The following LRMDA variants were observed in gnomAD, a reference collection of about 807,000 sequenced individuals.
LRMDA encodes the protein leucine rich melanocyte differentiation associated.
LRMDA carries 18 observed loss-of-function variants against 29.8 expected under a neutral mutation model. The ratio of observed to expected loss-of-function variants is 0.60; its 90% CI spans 0.42 to 0.90. The LOEUF (loss-of-function observed/expected upper bound fraction) is 0.90. Ranked by LOEUF, LRMDA falls within the 40% of genes least tolerant of loss-of-function variation. The probability of loss-of-function intolerance (pLI) is 0.00; values close to 1 mark genes in which losing one functional copy is unlikely to be tolerated. For synonymous variants in LRMDA, 125 were observed against 109.4 expected, an observed-to-expected ratio of 1.14 and a Z score of -0.89; for missense variants, 273 against 273.9, an observed-to-expected ratio of 1.00 and a Z score of 0.02.
intron 2 of LRMDA, among the ~76,000 whole-genome samples, chr10:75,779,803 G>A (rs1055964262): frequency 6.6e-6 from 1 of 151,946 alleles, no homozygotes; most frequent in Admixed American, 6.6e-5. Context: ...GCATGGGAGG[G>A]GGAGTGAATT....
chr10:76,144,534 A>G lies in LRMDA; in HGVS notation c.516+85751A>G, dbSNP rs575696055. 5.1e-4 allele frequency among the ~76,000 whole-genome samples: 78 copies of G among 152,312 alleles called. 1 individual carries two copies. In the South Asian group the frequency reaches 0.016, roughly 31 times the overall value. ...ATAAGAATGCTTGTGATTTTTGTAC[A>G]TTGATTTTGTATCCTGAGACTTTGC... On this transcript the variant is annotated intron_variant, in intron 5 of 6. Transcript: ENST00000611255.
At chr10:75,932,898 A>G (rs1017506248) in intron 2 of LRMDA, among the ~76,000 whole-genome samples, 1 of 152,226 alleles carries the variant, frequency 6.6e-6, no homozygotes, top group Non-Finnish European at 1.5e-5. Flanking sequence ...GCTACTTGAC[A>G]TAATCAACCA....
rs961773051 is a variant in LRMDA, at chr10:76,313,895, T to C, written c.517-10506T>C. 5.9e-5 allele frequency among the ~76,000 whole-genome samples: 9 copies of C among 152,228 alleles called. No homozygotes were observed. In the East Asian group the frequency reaches 1.5e-3, roughly 26 times the overall value. On this transcript the variant is annotated intron_variant, in intron 5 of 6. Coordinates refer to ENST00000611255, the MANE Select transcript of LRMDA (RefSeq NM_001305581.2). ...GGTTGCAACTGATGAACAACTGTAG[T>C]TCCCACTTGATATTCCTTTATCTTA...
intron 2 of LRMDA, among the ~76,000 whole-genome samples, chr10:75,595,715 T>A (rs1840778398): frequency 6.6e-6 from 1 of 151,704 alleles, no homozygotes; most frequent in East Asian, 1.9e-4. Context: ...AATTAATATA[T>A]ATATTTTTAA....
intron 6 of LRMDA, among the ~76,000 whole-genome samples, chr10:76,436,621 A>G (rs1842247216): frequency 6.6e-6 from 1 of 152,216 alleles, no homozygotes; most frequent in African/African-American, 2.4e-5. Flanking sequence ...TGCGGAGAGC[A>G]TCGGTGCTCA....
At chr10:76,504,627 T>G (rs1181719726) in intron 6 of LRMDA, among the ~76,000 whole-genome samples, 3 of 152,072 alleles carry the variant, frequency 2.0e-5, no homozygotes, top group Non-Finnish European at 4.4e-5. Flanking sequence ...ATAAGAATAG[T>G]GAGTAGTGCT....
intron 2 of LRMDA, among the ~76,000 whole-genome samples, chr10:75,467,681 G>T (rs984900075): frequency 6.6e-6 from 1 of 152,084 alleles, no homozygotes; most frequent in African/African-American, 2.4e-5. Context: ...TCGCAAAGTT[G>T]GGCAGGCACA....
chr10:75,580,536 T>A (rs1194222616), intron 2 of LRMDA, among the ~76,000 whole-genome samples: 2 of 152,174 alleles, frequency 1.3e-5, no homozygotes, highest in Non-Finnish European at 2.9e-5. Context: ...CAAGCCACCA[T>A]TAACTTTCTT....
At chr10:76,118,907 T>C (rs73285209) in intron 5 of LRMDA, among the ~76,000 whole-genome samples, 3,634 of 140,918 alleles carry the variant, frequency 0.026, 155 homozygotes, top group African/African-American at 0.089. Context: ...TTGAGGCGAA[T>C]GAAGGTCTCC....
At chr10:76,302,758 A>G (rs370108115) in intron 5 of LRMDA, among the ~76,000 whole-genome samples, 1 of 152,200 alleles carries the variant, frequency 6.6e-6, no homozygotes, top group African/African-American at 2.4e-5. Context: ...ATCCACAAAA[A>G]TGAGATATGG....
At chr10:76,186,803 T>C (rs1380849713) in intron 5 of LRMDA, among the ~76,000 whole-genome samples, 1 of 152,226 alleles carries the variant, frequency 6.6e-6, no homozygotes, top group African/African-American at 2.4e-5. Flanking sequence ...TAGCTGCTAG[T>C]TGAGGATGCT....
intron 2 of LRMDA, among the ~76,000 whole-genome samples, chr10:75,717,365 C>T (rs755564077): frequency 7.2e-5 from 11 of 152,192 alleles, no homozygotes; most frequent in East Asian, 1.9e-4. Context: ...AAAAACAGGG[C>T]GATGGGATGG....
chr10:76,158,942 A>G (rs1327610624), intron 5 of LRMDA, among the ~76,000 whole-genome samples: 1 of 152,200 alleles, frequency 6.6e-6, no homozygotes, highest in East Asian at 1.9e-4. Context: ...AGATAGATAA[A>G]ATGCATTCTA....
intron 2 of LRMDA, among the ~76,000 whole-genome samples, chr10:75,630,380 C>T (rs1841308038): frequency 6.6e-6 from 1 of 152,288 alleles, no homozygotes; most frequent in Admixed American, 6.5e-5. Context: ...TTTTTGCGGG[C>T]AATGCAAATA....
chr10:76,037,874 G>A (rs1848278981), intron 3 of LRMDA, among the ~76,000 whole-genome samples: 1 of 152,172 alleles, frequency 6.6e-6, no homozygotes, highest in South Asian at 2.1e-4. Flanking sequence ...TATGCTCCTT[G>A]TGGTCATTAT....
rs1183552858 is a variant in LRMDA at position 75,982,553 on chromosome 10, G to A, written c.132-53455G>A. Among the ~76,000 whole-genome samples, 18 of 152,172 alleles carry A rather than the reference G, an allele frequency of 1.2e-4. No individual in the cohort carries two copies. The East Asian group carries it at 3.5e-3, about 29-fold the overall frequency. On this transcript the variant is annotated intron_variant, in intron 2 of 6. Coordinates refer to ENST00000611255, the MANE Select transcript of LRMDA (RefSeq NM_001305581.2). ...TTGGTCTCTGTGAATTGGTTGGGTGGCAAAAAGTATCTACAATGACTAGAT... is the reference window on the plus strand; with the variant it reads ...TTGGTCTCTGTGAATTGGTTGGGTGACAAAAAGTATCTACAATGACTAGAT...
At chr10:76,441,959 C>T (rs1842307943) in intron 6 of LRMDA, among the ~76,000 whole-genome samples, 1 of 152,226 alleles carries the variant, frequency 6.6e-6, no homozygotes, top group South Asian at 2.1e-4. Context: ...CACCTCGTCT[C>T]TCTGCCTGGA....
intron 5 of LRMDA, among the ~76,000 whole-genome samples, chr10:76,095,732 T>C (rs1849302375): frequency 6.6e-6 from 1 of 152,256 alleles, no homozygotes. Flanking sequence ...ATGATATCTA[T>C]GCCATTGTGG....
At chr10:75,748,977 G>T (rs919101297) in intron 2 of LRMDA, among the ~76,000 whole-genome samples, 37 of 151,984 alleles carry the variant, frequency 2.4e-4, no homozygotes, top group African/African-American at 8.9e-4. Context: ...TACATATACA[G>T]TTGACCCTTA....
Sources: gnomAD v4.1 joint callset for allele counts (sites outside exome capture counted in the v4.1 genomes callset) on GRCh38, gnomAD v4.1.1 for gene constraint, MANE v1.5 for transcripts, NCBI Gene and HGNC (gene_info 2026-07-23, HGNC 2026-07-21) for gene names.